Variants in MYO1B observed in about 807,000 individuals in gnomAD.
The protein encoded by MYO1B is unconventional myosin-Ib.
MYO1B carries 72 observed loss-of-function variants against 159.7 expected under a neutral mutation model. The observed-to-expected ratio is 0.45, with a 90% CI of 0.37 to 0.55. MYO1B has a LOEUF of 0.55. Ranked by LOEUF, MYO1B falls within the 20% of genes least tolerant of loss-of-function variation. MYO1B has a pLI of 0.00. For missense variants in MYO1B, 1,062 were observed against 1,364.8 expected (o/e 0.78, Z 3.50); for synonymous variants, 468 against 473.8 (o/e 0.99, Z 0.16).
At chr2:191,337,682 A>G (rs373926280) in intron 4 of MYO1B, among the ~76,000 whole-genome samples, 1 of 152,196 alleles carries the variant, frequency 6.6e-6, no homozygotes, top group Non-Finnish European at 1.5e-5. Flanking sequence ...TATATAAAGT[A>G]TCTATGAGTT....
chr2:191,383,446 T>A (rs1695164892), intron 15 of MYO1B, 104 bp downstream of exon 15: 3 of 38,012 alleles, frequency 7.9e-5, no homozygotes, highest in African/African-American at 8.8e-5. Context: ...TTTCACTGTT[T>A]TTTATATATA....
chr2:191,382,396 A>G (rs1034895403), intron 14 of MYO1B, among the ~76,000 whole-genome samples: 16 of 152,192 alleles, frequency 1.1e-4, no homozygotes, highest in Admixed American at 1.0e-3. Context: ...AAGCTAAATC[A>G]TAAATATTTC....
intron 19 of MYO1B, among the ~76,000 whole-genome samples, chr2:191,392,447 C>T (rs970333629): frequency 2.6e-5 from 4 of 152,070 alleles, no homozygotes; most frequent in Non-Finnish European, 4.4e-5. Context: ...TAAGAAATCA[C>T]AAAGAAACTG....
intron 1 of MYO1B, among the ~76,000 whole-genome samples, chr2:191,264,053 C>T (rs906572558): frequency 6.6e-6 from 1 of 152,102 alleles, no homozygotes; most frequent in African/African-American, 2.4e-5. Context: ...AAAAGGAATG[C>T]TTCCAACATT....
intron 23 of MYO1B, among the ~76,000 whole-genome samples, chr2:191,401,137 A>G (rs1033102273): frequency 2.0e-5 from 3 of 146,964 alleles, no homozygotes; most frequent in Non-Finnish European, 4.5e-5. Context: ...CCCCGCCCCC[A>G]TTGATGAATG....
At chr2:191,252,478 T>C (rs1241617881) in intron 1 of MYO1B, among the ~76,000 whole-genome samples, 1 of 152,258 alleles carries the variant, frequency 6.6e-6, no homozygotes, top group Non-Finnish European at 1.5e-5. Flanking sequence ...GTACTGAAAT[T>C]CATCTTGAAT....
chr2:191,405,002 A>G (rs1479982743), intron 24 of MYO1B, among the ~76,000 whole-genome samples: 5 of 152,196 alleles, frequency 3.3e-5, no homozygotes, highest in African/African-American at 1.2e-4. Flanking sequence ...TGTATAGCAT[A>G]TGTTGGCATT....
intron 13 of MYO1B, among the ~76,000 whole-genome samples, chr2:191,376,298 T>A (rs1404309594): frequency 1.3e-5 from 2 of 152,212 alleles, no homozygotes; most frequent in African/African-American, 2.4e-5. Context: ...GAGGATTTTT[T>A]AAGTTTACAT....
At chr2:191,348,447 T>A (rs965490307) in intron 6 of MYO1B, among the ~76,000 whole-genome samples, 1 of 152,156 alleles carries the variant, frequency 6.6e-6, no homozygotes, top group Admixed American at 6.5e-5. Flanking sequence ...GTCAAAAGGA[T>A]CCCCTCTTAC....
At chr2:191,342,828 C>A (rs545218593) in intron 5 of MYO1B, among the ~76,000 whole-genome samples, 18 of 151,768 alleles carry the variant, frequency 1.2e-4, no homozygotes, top group Admixed American at 1.1e-3. Context: ...GCCTGGGCAA[C>A]AGAGGAAGAC....
chr2:191,341,417 A>G, intron 4 of MYO1B, 44 bp from the exon 5 acceptor site: 14 of 1,548,972 alleles, frequency 9.0e-6, no homozygotes, highest in Non-Finnish European at 1.1e-5. Context: ...AAGATTTTTT[A>G]AATTTCTGTG....
intron 3 of MYO1B, among the ~76,000 whole-genome samples, chr2:191,305,979 C>T (rs185689286): frequency 1.3e-5 from 2 of 152,210 alleles, no homozygotes; most frequent in African/African-American, 2.4e-5. Context: ...CACCGTGAGC[C>T]ATGTACTAGT....
chr2:191,416,666 T>G (rs184400883), intron 30 of MYO1B, among the ~76,000 whole-genome samples: 1 of 151,902 alleles, frequency 6.6e-6, no homozygotes, highest in East Asian at 1.9e-4. Context: ...CAAAAAAAAT[T>G]AGCTGGGCGT....
chr2:191,296,681 G>A (rs1458778469), intron 3 of MYO1B, among the ~76,000 whole-genome samples: 4 of 152,194 alleles, frequency 2.6e-5, no homozygotes, highest in East Asian at 1.9e-4. Flanking sequence ...CACCAGATGC[G>A]TGGGATAGGC....
At position 191,393,357 on chromosome 2, in the gene MYO1B, G is replaced by C. The variant is rs1055229491; in HGVS notation, c.2226+135G>C. 9 of 1,082,222 alleles carry C rather than the reference G, an allele frequency of 8.3e-6. No individual in the cohort carries two copies. In the East Asian group the frequency reaches 2.1e-4, roughly 25 times the overall value. 67.0% of individuals were successfully genotyped at this position (1,082,222 alleles called of 1,614,324 possible). A position where few individuals can be genotyped will look rare whatever the true frequency, so the allele number is the denominator to read the frequency against. On this transcript the variant is annotated intron_variant, in intron 20 of 30. Coordinates refer to ENST00000392318, the MANE Select transcript of MYO1B (RefSeq NM_001130158.3). ...CATGAGATAATGGATGTTCTTAATG[G>C]TTCTTTTTTTTAAAGATGAGAAAAC...
chr2:191,346,927 G>C (rs1692607368), intron 6 of MYO1B, among the ~76,000 whole-genome samples: 1 of 152,212 alleles, frequency 6.6e-6, no homozygotes, highest in South Asian at 2.1e-4. Flanking sequence ...CTCCAGGCGG[G>C]CCATGCTCTT....
At chr2:191,394,708 C>A (rs368131416) in intron 20 of MYO1B, among the ~76,000 whole-genome samples, 2 of 152,038 alleles carry the variant, frequency 1.3e-5, no homozygotes, top group African/African-American at 2.4e-5. Flanking sequence ...GCCATTTGAT[C>A]GGAAGGATGA....
chr2:191,380,813 A>G (rs964706746), intron 13 of MYO1B, among the ~76,000 whole-genome samples: 39 of 152,290 alleles, frequency 2.6e-4, no homozygotes, highest in African/African-American at 8.9e-4. Context: ...CAGTCAGCCA[A>G]TACATATTGA....
intron 13 of MYO1B, chr2:191,381,196 G>C (rs1695020987): frequency 2.1e-6 from 1 of 469,204 alleles, no homozygotes; most frequent in African/African-American, 2.0e-5. Context: ...TAGCTTTTCT[G>C]TTTGGGGTGC....
Sources: allele counts gnomAD v4.1 joint callset (sites outside exome capture counted in the v4.1 genomes callset), GRCh38; gene constraint gnomAD v4.1.1; transcripts MANE v1.5; gene names NCBI Gene and HGNC (gene_info 2026-07-23, HGNC 2026-07-21).